COL7A1: variants seen among roughly 807,000 people sequenced by gnomAD.
COL7A1 encodes the protein collagen type VII alpha 1 chain, also known as collagen alpha-1(VII) chain.
A neutral mutation model predicts 456.2 loss-of-function variants in COL7A1; 296 were observed. That is an observed-to-expected ratio of 0.65 (90% CI 0.59 to 0.71). The LOEUF is 0.71. COL7A1 is among the 30% of genes least tolerant of loss of function. The pLI is 0.00. For synonymous variants in COL7A1, 1,464 were observed against 1,525.9 expected, an observed-to-expected ratio of 0.96 and a Z score of 0.95; for missense variants, 3,441 against 4,017.2, an observed-to-expected ratio of 0.86 and a Z score of 3.88.
chr3:48,585,060 C>T lies in COL7A1; in HGVS notation c.3951G>A (p.Gly1317=), dbSNP rs758056154. The T allele has an allele frequency of 6.2e-6, 10 of 1,612,810 alleles. No homozygotes were observed. The South Asian group carries it at 1.1e-4, about 18-fold the overall frequency. Reference sequence around the variant, plus strand: ...CCTTTAGGCCAGGGGCTCCAGGGGTCCCAGGATTCCCGGCGCGGCCAGGGC... The same window carrying T: ...CCTTTAGGCCAGGGGCTCCAGGGGTTCCAGGATTCCCGGCGCGGCCAGGGC... ...PGSPGRAGNP[G]TPGAPGLKGS... The change falls in exon 33 of 119, where the codon GGG becomes GGA. Residue 1317 remains glycine, a synonymous_variant. Transcript: ENST00000681320. The surrounding 1 kb of genome is among the most constrained non-coding windows in gnomAD (Gnocchi z 4.5).
rs200741847 is a variant in COL7A1, at chr3:48,584,535, C to T, written c.4069G>A (p.Gly1357Arg). Residue 1357 changes from glycine to arginine, a missense_variant, in exon 36 of 119, where the codon GGA becomes AGA. Physicochemically the swap from Gly to Arg is moderately radical, Grantham distance 125. Coordinates refer to ENST00000681320, the MANE Select transcript of COL7A1 (RefSeq NM_000094.4). ...CCAGGAAGCCCAGGTCCTTCACCTC[C>T]GATGACTTGTCCGGGAGCCCCCTGT... ...GEPGAPGQVI[G>R]GEGPGLPGRK... 72 of 1,614,130 alleles carry T rather than the reference C, an allele frequency of 4.5e-5. No homozygotes were observed. The highest frequency in any genetic ancestry group is 2.5e-4 in the African/African-American group (19 of 75,038).
In COL7A1 at chr3:48,566,321, A is replaced by G. The variant is rs2043603427; in HGVS notation, c.8359-6T>C. On this transcript the variant is annotated splice_polypyrimidine_tract_variant and splice_region_variant and intron_variant, in intron 113 of 118. Coordinates refer to ENST00000681320, the MANE Select transcript of COL7A1 (RefSeq NM_000094.4). The surrounding 1 kb of genome is among the most constrained non-coding windows in gnomAD (Gnocchi z 5.9). ...AAGCCCCGGATGTCATCCTCCTGGGAGCAGAAGACCACAGGGACCATAAAG... is the reference window on the plus strand; with the variant it reads ...AAGCCCCGGATGTCATCCTCCTGGGGGCAGAAGACCACAGGGACCATAAAG... The G allele has an allele frequency of 6.2e-7, 1 of 1,605,026 alleles. No individual in the cohort carries two copies. Among genetic ancestry groups the G allele is most frequent in the Non-Finnish European group, 8.5e-7 (1 of 1,176,254 alleles).
At position 48,579,822 on chromosome 3, in the gene COL7A1, G is replaced by A. The variant is rs1261307377; in HGVS notation, c.5125-8C>T. The A allele has an allele frequency of 6.2e-7, 1 of 1,613,958 alleles. No individual in the cohort carries two copies. Among genetic ancestry groups the A allele is most frequent in the Non-Finnish European group, 8.5e-7 (1 of 1,180,028 alleles). The stretch of plus-strand genomic sequence containing the variant: ...TCCAGGTCCTGTGTCTACCTGTGGG[G>A]GGAATGACCAGTGAGAAGAATGGCT... On this transcript the variant is annotated splice_polypyrimidine_tract_variant and splice_region_variant and intron_variant, in intron 57 of 118. Coordinates refer to ENST00000681320, the MANE Select transcript of COL7A1 (RefSeq NM_000094.4). This position sits in a 1 kb window ranked among gnomAD's most constrained non-coding sequence, Gnocchi z 4.4.
Position 48,575,423 on chromosome 3 carries a change from A to C in COL7A1, c.6096T>G (p.Leu2032=). 6.2e-7 allele frequency: 1 copy of C among 1,608,974 alleles called. No individual in the cohort carries two copies. The highest frequency in any genetic ancestry group is 8.5e-7 in the Non-Finnish European group (1 of 1,178,430). Residue 2032 remains leucine (L), a synonymous_variant, in exon 74 of 119, where the codon CTT becomes CTG. Coordinates refer to ENST00000681320, the MANE Select transcript of COL7A1 (RefSeq NM_000094.4). The surrounding 1 kb of genome is among the most constrained non-coding windows in gnomAD (Gnocchi z 6.3). ...GERGPPGPSG[L]AGEPGKPGIP... ...TACCAGGCTTTCCAGGCTCCCCGGC[A>C]AGGCCGGAAGGCCCGGGGGGGCCCC...
Position 48,586,001 on chromosome 3 carries a change from T to C in COL7A1, c.3724-26A>G, listed in dbSNP as rs1314940707. 1 of 1,613,550 alleles carries C rather than the reference T, an allele frequency of 6.2e-7. No individual in the cohort carries two copies. The highest frequency in any genetic ancestry group is 8.5e-7 in the Non-Finnish European group (1 of 1,180,002). ...CTGCGGACATAGGGTCTCTTTGAGGTTGAACATTTCTACCAAGAACCCCCA... is the reference window on the plus strand; with the variant it reads ...CTGCGGACATAGGGTCTCTTTGAGGCTGAACATTTCTACCAAGAACCCCCA... On this transcript the variant is annotated intron_variant, in intron 28 of 118. Coordinates refer to ENST00000681320, the MANE Select transcript of COL7A1 (RefSeq NM_000094.4). This position sits in a 1 kb window ranked among gnomAD's most constrained non-coding sequence, Gnocchi z 5.1.
At position 48,564,440 on chromosome 3, in the gene COL7A1, G is replaced by T; in HGVS notation, c.8819-18C>A. 6.2e-7 allele frequency: 1 copy of T among 1,613,930 alleles called. No homozygotes were observed. Among genetic ancestry groups the T allele is most frequent in the Non-Finnish European group, 8.5e-7 (1 of 1,179,914 alleles). On this transcript the variant is annotated intron_variant, in intron 118 of 118. Coordinates refer to ENST00000681320, the MANE Select transcript of COL7A1 (RefSeq NM_000094.4). The surrounding 1 kb of genome is among the most constrained non-coding windows in gnomAD (Gnocchi z 6.0). ...GGCAGTACCTGGTGAGGACAGGTTG[G>T]AAACGGTCGTCAGCCATCTGACCTT... is the stretch of plus-strand genomic sequence containing the variant.
At position 48,574,170 on chromosome 3, in the gene COL7A1, A is replaced by AAC. The variant is rs1261456156; in HGVS notation, c.6501+90_6501+91dup. ...AGGCACACAGACACAGGTACACACAAACACACACACACAGACATGCACACA... is the reference window on the plus strand; with the variant it reads ...AGGCACACAGACACAGGTACACACAAACACACACACACACAGACATGCACACA... On this transcript the variant is annotated intron_variant, in intron 80 of 118. Coordinates refer to ENST00000681320, the MANE Select transcript of COL7A1 (RefSeq NM_000094.4). The surrounding 1 kb of genome is among the most constrained non-coding windows in gnomAD (Gnocchi z 5.0). 2.1e-5 allele frequency: 31 copies of AAC among 1,476,514 alleles called. No homozygotes were observed. Among genetic ancestry groups the AAC allele is most frequent in the South Asian group, 9.1e-5 (8 of 88,168 alleles). 91.5% of individuals were successfully genotyped at this position (1,476,514 alleles called of 1,614,324 possible). A position where few individuals can be genotyped will look rare whatever the true frequency, so the allele number is the denominator to read the frequency against.
rs1358913468 is a variant in COL7A1, at chr3:48,587,365, C to G, written c.2993-29G>C. 6.2e-7 allele frequency: 1 copy of G among 1,612,288 alleles called. No homozygotes were observed. Among genetic ancestry groups the G allele is most frequent in the African/African-American group, 1.3e-5 (1 of 74,894 alleles). On this transcript the variant is annotated intron_variant, in intron 23 of 118. Transcript: ENST00000681320. The surrounding 1 kb of genome is among the most constrained non-coding windows in gnomAD (Gnocchi z 6.1). ...CAGGAGACAGAACTTGATTAAAAAGCTGTCTCCACAGAGCCCCAACTGCCA... is the reference window on the plus strand; with the variant it reads ...CAGGAGACAGAACTTGATTAAAAAGGTGTCTCCACAGAGCCCCAACTGCCA...
rs1024934901 is a variant in COL7A1 at position 48,574,376 on chromosome 3, C to G, written c.6457-70G>C. On this transcript the variant is annotated intron_variant, in intron 79 of 118. Coordinates refer to ENST00000681320, the MANE Select transcript of COL7A1 (RefSeq NM_000094.4). The surrounding 1 kb of genome is among the most constrained non-coding windows in gnomAD (Gnocchi z 5.0). The stretch of plus-strand genomic sequence containing the variant: ...CCCCTCCACCCACCATCCCCCTAGA[C>G]AGAGTCAGGACCCAGACAGTCCCAG... The G allele has an allele frequency of 5.6e-6, 9 of 1,613,358 alleles. No homozygotes were observed. The South Asian group carries it at 9.9e-5, about 18-fold the overall frequency.
At position 48,566,545 on chromosome 3, in the gene COL7A1, C is replaced by T. The variant is rs1333259313; in HGVS notation, c.8323G>A (p.Gly2775Ser). The stretch of plus-strand genomic sequence containing the variant: ...GCTTCTCCCTTCTCGCCTCGAGGAC[C>T]GGCAGGCCCTGGCCGCCCCTATGTG... ...RGEQGRPGPA[G>S]PRGEKGEAAL... is the part of the protein sequence containing the mutation. The change falls in exon 113 of 119, where the codon GGT (glycine) becomes AGT (serine). Residue 2775 changes from glycine to serine, a missense_variant. Coordinates refer to ENST00000681320, the MANE Select transcript of COL7A1 (RefSeq NM_000094.4). This position sits in a 1 kb window ranked among gnomAD's most constrained non-coding sequence, Gnocchi z 5.9. The T allele has an allele frequency of 6.8e-6, 11 of 1,614,048 alleles. No homozygotes were observed. Among genetic ancestry groups the T allele is most frequent in the African/African-American group, 2.7e-5 (2 of 74,920 alleles).
At position 48,591,277 on chromosome 3, in the gene COL7A1, G is replaced by C. The variant is rs1184816652; in HGVS notation, c.1636+187C>G. 2.0e-5 allele frequency among the ~76,000 whole-genome samples: 3 copies of C among 152,132 alleles called. No homozygotes were observed. Among genetic ancestry groups the C allele is most frequent in the Admixed American group, 1.3e-4 (2 of 15,280 alleles). Reference sequence around the variant, plus strand: ...GGCAGGGAGGAGATTGGTTGGGGTAGGGTAGGGGCAGACACACCCTGTTGA... The same window carrying C: ...GGCAGGGAGGAGATTGGTTGGGGTACGGTAGGGGCAGACACACCCTGTTGA... On this transcript the variant is annotated intron_variant, in intron 13 of 118. Transcript: ENST00000681320. This position sits in a 1 kb window ranked among gnomAD's most constrained non-coding sequence, Gnocchi z 7.0.
Position 48,590,186 on chromosome 3 carries a change from A to C in COL7A1, c.2050+27T>G, listed in dbSNP as rs1185365165. ...GTCTGAAAGAGCAATGGAGGCAGAG[A>C]GCCAAGGGACGGGGGCAGGGCCTGA... On this transcript the variant is annotated intron_variant, in intron 16 of 118. Transcript: ENST00000681320. This position sits in a 1 kb window ranked among gnomAD's most constrained non-coding sequence, Gnocchi z 4.6. 1.2e-6 allele frequency: 2 copies of C among 1,608,092 alleles called. No individual in the cohort carries two copies. The highest frequency in any genetic ancestry group is 2.2e-5 in the South Asian group (2 of 90,854).
In COL7A1 at chr3:48,586,502, C is replaced by A. The variant is rs762609397; in HGVS notation, c.3404-24G>T. 6.2e-7 allele frequency: 1 copy of A among 1,613,722 alleles called. No homozygotes were observed. The highest frequency in any genetic ancestry group is 8.5e-7 in the Non-Finnish European group (1 of 1,180,040). ...GCCTGGAAGGAAGGACATGTCAGAACCCTGGGGCACCAAGCTCCCAGTGGA... is the reference window on the plus strand; with the variant it reads ...GCCTGGAAGGAAGGACATGTCAGAAACCTGGGGCACCAAGCTCCCAGTGGA... On this transcript the variant is annotated intron_variant, in intron 26 of 118. Transcript: ENST00000681320. This position sits in a 1 kb window ranked among gnomAD's most constrained non-coding sequence, Gnocchi z 5.1.
In COL7A1 at chr3:48,572,175, T is replaced by C. The variant is rs754721009; in HGVS notation, c.6979-4A>G. 6.2e-7 allele frequency: 1 copy of C among 1,613,998 alleles called. No homozygotes were observed. The highest frequency in any genetic ancestry group is 1.1e-5 in the South Asian group (1 of 91,070). On this transcript the variant is annotated splice_region_variant and splice_polypyrimidine_tract_variant and intron_variant, in intron 90 of 118. Transcript: ENST00000681320. This position sits in a 1 kb window ranked among gnomAD's most constrained non-coding sequence, Gnocchi z 4.6. Reference sequence around the variant, plus strand: ...GTCCTCGGTCACCTTTGGCTCCCTGTTGACAGAGGTCAGGAGGCAACACAG... The same window carrying C: ...GTCCTCGGTCACCTTTGGCTCCCTGCTGACAGAGGTCAGGAGGCAACACAG...
Position 48,570,764 on chromosome 3 carries a change from C to T in COL7A1, c.7273-54G>A. The T allele has an allele frequency of 6.4e-7, 1 of 1,556,250 alleles. No individual in the cohort carries two copies. The highest frequency in any genetic ancestry group is 8.7e-7 in the Non-Finnish European group (1 of 1,149,874). ...GAGAGTGACTTGGGAACCCTCCTAC[C>T]CTCTGCCCCCTCAAGACTGGGAACC... is the stretch of plus-strand genomic sequence containing the variant. On this transcript the variant is annotated intron_variant, in intron 95 of 118. Transcript: ENST00000681320. This position sits in a 1 kb window ranked among gnomAD's most constrained non-coding sequence, Gnocchi z 5.5.
rs369861206 is a variant in COL7A1, at chr3:48,592,527, G to A, written c.976+43C>T. On this transcript the variant is annotated intron_variant, in intron 8 of 118. Transcript: ENST00000681320. This position sits in a 1 kb window ranked among gnomAD's most constrained non-coding sequence, Gnocchi z 7.6. ...AGAAGTGGGAGGGGGTACTGGGGTC[G>A]GGGGTTAGGTGAATGGGGTCAGAGG... 26 of 1,613,412 alleles carry A rather than the reference G, an allele frequency of 1.6e-5. No individual in the cohort carries two copies. Among genetic ancestry groups the A allele is most frequent in the African/African-American group, 1.1e-4 (8 of 74,892 alleles).
chr3:48,576,214 AAC>A (rs2044286445), intron 71 of COL7A1, 33 bp downstream of exon 71: 1 of 1,612,646 alleles, frequency 6.2e-7, no homozygotes, highest in African/African-American at 1.3e-5. Flanking sequence ...GGGCATGCAA[AAC>A]AGAGTCAAGG....
Position 48,576,567 on chromosome 3 carries a change from G to T in COL7A1, c.5701-10C>A. 1 of 1,607,046 alleles carries T rather than the reference G, an allele frequency of 6.2e-7. No homozygotes were observed. The highest frequency in any genetic ancestry group is 8.5e-7 in the Non-Finnish European group (1 of 1,177,232). On this transcript the variant is annotated splice_polypyrimidine_tract_variant and intron_variant, in intron 68 of 118. Coordinates refer to ENST00000681320, the MANE Select transcript of COL7A1 (RefSeq NM_000094.4). ...GGACACCAGGAAAACCCTGAGATAC[G>T]GCAGAACACAAAGGGGTCACAAAGG... is the stretch of plus-strand genomic sequence containing the variant.
rs2107690201 is a variant in COL7A1, at chr3:48,578,194, A to T, written c.5532+127T>A. 12 of 1,093,534 alleles carry T rather than the reference A, an allele frequency of 1.1e-5. 1 individual carries two copies. The South Asian group carries it at 1.6e-4, about 15-fold the overall frequency. The allele number at this position is 1,093,534 out of a possible 1,614,324, so 67.7% of individuals were successfully genotyped here. On this transcript the variant is annotated intron_variant, in intron 65 of 118. Transcript: ENST00000681320. The surrounding 1 kb of genome is among the most constrained non-coding windows in gnomAD (Gnocchi z 4.7). ...AAAAAAAAACTATGTTTCTGGATGC[A>T]TCTGTATGTCTGGGCCAGGATGCAT...
Sources: allele counts gnomAD v4.1 joint callset (sites outside exome capture counted in the v4.1 genomes callset), GRCh38; gene constraint gnomAD v4.1.1; non-coding constraint Gnocchi (gnomAD v3.1); transcripts MANE v1.5; gene names NCBI Gene and HGNC (gene_info 2026-07-23, HGNC 2026-07-21).